Variants in DMRTC1B observed in about 807,000 individuals in gnomAD.
The protein encoded by DMRTC1B is doublesex- and mab-3-related transcription factor C1.
At chrX:72,839,536 G>A (rs1442610004) in intron 1 of DMRTC1B, among the ~76,000 whole-genome samples, 1 of 108,657 alleles carries the variant, frequency 9.2e-6, no homozygotes, top group African/African-American at 3.4e-5. Flanking sequence ...AAAACGTTGA[G>A]GAAAATAGAT....
At chrX:72,815,742 TG>T (rs1329615297) in intron 1 of DMRTC1B, among the ~76,000 whole-genome samples, 1 of 72,513 alleles carries the variant, frequency 1.4e-5, no homozygotes, top group Non-Finnish European at 2.6e-5. Flanking sequence ...AACTGTCAGT[TG>T]TCATTTATAT....
At chrX:72,805,201 TA>T (rs1416135673) in intron 1 of DMRTC1B, among the ~76,000 whole-genome samples, 24 of 22,914 alleles carry the variant, frequency 1.0e-3, no homozygotes, top group Middle Eastern at 0.014. Context: ...GATTTATAAA[TA>T]AAAAAATATT....
intron 1 of DMRTC1B, among the ~76,000 whole-genome samples, chrX:72,839,302 C>T (rs1250221972): frequency 1.8e-5 from 2 of 110,797 alleles, no homozygotes; most frequent in Admixed American, 1.9e-4. Flanking sequence ...AGTATTACCC[C>T]TTCATTGTTA....
chrX:72,820,040 G>GT (rs1405913887), intron 1 of DMRTC1B, among the ~76,000 whole-genome samples: 1 of 33 alleles, frequency 0.03, no homozygotes, highest in East Asian at 0.17. Flanking sequence ...TAGTTTTTTT[G>GT]CTTTTTGTTT....
At chrX:72,802,567 G>GC (rs1556346647) in intron 1 of DMRTC1B, among the ~76,000 whole-genome samples, 2 of 90,671 alleles carry the variant, frequency 2.2e-5, no homozygotes, top group African/African-American at 6.8e-5. Flanking sequence ...AACCACCCAG[G>GC]ACTGCTGTGA....
intron 1 of DMRTC1B, among the ~76,000 whole-genome samples, chrX:72,802,297 A>G (rs1556346617): frequency 6.0e-5 from 2 of 33,178 alleles, no homozygotes; most frequent in African/African-American, 1.2e-4. Context: ...TATCAATGCA[A>G]CCTCTCAGGC....
chrX:72,820,663 C>T (rs1233963722), intron 1 of DMRTC1B, among the ~76,000 whole-genome samples: 9 of 75,988 alleles, frequency 1.2e-4, no homozygotes, highest in East Asian at 4.9e-4. Context: ...GGACTACAGG[C>T]GCCCGCCACC....
At chrX:72,820,451 GT>G (rs2054689035) in intron 1 of DMRTC1B, among the ~76,000 whole-genome samples, 1 of 104,961 alleles carries the variant, frequency 9.5e-6, no homozygotes, top group East Asian at 3.0e-4. Context: ...ATTTGCTTAG[GT>G]TTAGTTTGCT....
At chrX:72,839,569 C>T (rs1352895749) in intron 1 of DMRTC1B, among the ~76,000 whole-genome samples, 1 of 101,335 alleles carries the variant, frequency 9.9e-6, no homozygotes, top group Non-Finnish European at 2.0e-5. Flanking sequence ...GAGTTACGCA[C>T]TGAAATGTTT....
At chrX:72,820,590 C>T (rs1420174350) in intron 1 of DMRTC1B, among the ~76,000 whole-genome samples, 4 of 102,987 alleles carry the variant, frequency 3.9e-5, no homozygotes, top group East Asian at 6.7e-4. Flanking sequence ...CAATCTCGGC[C>T]CACTGCAGGC....
intron 1 of DMRTC1B, among the ~76,000 whole-genome samples, chrX:72,840,215 AAGCAAAGCAAAGC>A (rs1395681427): frequency 2.1e-5 from 2 of 94,366 alleles, no homozygotes; most frequent in Non-Finnish European, 4.2e-5. Flanking sequence ...AAGCAAAGCA[AAGCAAAGCAAAGC>A]AAAGCAAAGC....
At chrX:72,807,513 C>G (rs2054663283) in intron 1 of DMRTC1B, 2 of 639,486 alleles carry the variant, frequency 3.1e-6, no homozygotes, top group Non-Finnish European at 2.2e-6. Context: ...GGGGCTCGGT[C>G]ACCGTTCACG....
intron 1 of DMRTC1B, among the ~76,000 whole-genome samples, chrX:72,820,707 A>G (rs1299673284): frequency 1.2e-3 from 93 of 75,329 alleles, no homozygotes; most frequent in African/African-American, 4.4e-3. Flanking sequence ...TTTAGTAGAG[A>G]CGGGGTTTCA....
rs2054663076 is a variant in DMRTC1B, at chrX:72,807,487, G to A, written c.-95+30239G>A. ...GACCGGGACACTGGGGCGAGCAGGG[G>A]CATGGAGCATCAGAGGGGGCTCGGT... On this transcript the variant is annotated intron_variant, in intron 1 of 6. Coordinates refer to ENST00000334036, the MANE Select transcript of DMRTC1B (RefSeq NM_001386972.1). The A allele has an allele frequency of 2.3e-4, 115 of 493,955 alleles. 4 individuals are homozygous for A. The allele number at this position is 493,955 out of a possible 1,213,427, so 40.7% of individuals were successfully genotyped here.
chrX:72,802,571 G>A (rs782237800), intron 1 of DMRTC1B, among the ~76,000 whole-genome samples: 1 of 93,480 alleles, frequency 1.1e-5, no homozygotes, highest in Admixed American at 1.2e-4. Flanking sequence ...ACCCAGGACT[G>A]CTGTGAGGAG....
intron 1 of DMRTC1B, among the ~76,000 whole-genome samples, chrX:72,802,510 C>T (rs1328678241): frequency 2.9e-4 from 18 of 62,202 alleles, no homozygotes; most frequent in African/African-American, 6.5e-4. Flanking sequence ...CTCTGTGAGA[C>T]GCTTTCTTTC....
intron 1 of DMRTC1B, among the ~76,000 whole-genome samples, chrX:72,820,527 T>TG (rs1485507059): frequency 2.6e-5 from 3 of 113,452 alleles, no homozygotes; most frequent in Non-Finnish European, 5.6e-5. Flanking sequence ...TTTTTTTTTT[T>TG]TTTTTTTTTT....
rs782324882 is a variant in DMRTC1B at position 72,846,147 on chromosome X, G to A, written c.257+142G>A. 132 of 110,032 alleles carry A rather than the reference G, an allele frequency of 1.2e-3. 4 individuals are homozygous for A. Among genetic ancestry groups the A allele is most frequent in the East Asian group, 4.9e-3 (112 of 22,761 alleles). 9.1% of individuals were successfully genotyped at this position (110,032 alleles called of 1,213,427 possible). ...AGGAGGAGCAGGAGGAGGAGGAGGAGGAGGAGGGAGAGGAGGAGGAGGAGA... is the reference window on the plus strand; with the variant it reads ...AGGAGGAGCAGGAGGAGGAGGAGGAAGAGGAGGGAGAGGAGGAGGAGGAGA... On this transcript the variant is annotated intron_variant, in intron 4 of 6. Transcript: ENST00000334036.
At chrX:72,840,165 CAAAGCAAAGCAAAGAGAA>C (rs2054727657) in intron 1 of DMRTC1B, among the ~76,000 whole-genome samples, 97 of 83,871 alleles carry the variant, frequency 1.2e-3, no homozygotes, top group Non-Finnish European at 1.7e-3. Context: ...AGAGAAAAAG[CAAAGCAAAGCAAAGAGAA>C]AAAGCAAAGC....
Sources: allele counts gnomAD v4.1 joint callset (sites outside exome capture counted in the v4.1 genomes callset), GRCh38; gene constraint gnomAD v4.1.1; transcripts MANE v1.5; gene names NCBI Gene and HGNC (gene_info 2026-07-23, HGNC 2026-07-21).